BMP2K: variants seen among roughly 807,000 people sequenced by gnomAD.
BMP2K encodes the protein BMP2 inducible kinase, also known as BMP-2-inducible protein kinase.
In BMP2K, 74 loss-of-function variants were observed where a neutral mutation model predicts 116.0. The ratio of observed to expected loss-of-function variants is 0.64; its 90% CI spans 0.53 to 0.77. The LOEUF is 0.77. Among genes scored for constraint, BMP2K ranks in the 30% least tolerant of loss-of-function variants. The pLI is 0.00. For missense variants in BMP2K, 1,365 were observed against 1,403.6 expected, an observed-to-expected ratio of 0.97 and a Z score of 0.44; for synonymous variants, 486 against 502.5, an observed-to-expected ratio of 0.97 and a Z score of 0.44.
At chr4:78,811,858 ACTCT>A (rs1225253566) in intron 1 of BMP2K, among the ~76,000 whole-genome samples, 1 of 151,816 alleles carries the variant, frequency 6.6e-6, no homozygotes, top group East Asian at 1.9e-4. Flanking sequence ...TCCATCAAAA[ACTCT>A]CTCTCTTCAT....
intron 1 of BMP2K, among the ~76,000 whole-genome samples, chr4:78,816,402 T>C (rs145198105): frequency 0.012 from 1,850 of 152,316 alleles, 15 homozygotes; most frequent in Non-Finnish European, 0.019. Context: ...CATACATTGA[T>C]GATCCTTGGT....
At chr4:78,883,047 C>T (rs1015201964) in intron 14 of BMP2K, among the ~76,000 whole-genome samples, 10 of 152,082 alleles carry the variant, frequency 6.6e-5, no homozygotes, top group East Asian at 1.9e-4. Context: ...ATTTTAATTT[C>T]GTGATAATAT....
Position 78,872,921 on chromosome 4 carries a change from C to G in BMP2K, c.1793+123C>G. The G allele has an allele frequency of 3.0e-6, 3 of 998,644 alleles. No homozygotes were observed. The African/African-American group carries it at 4.9e-5, about 16-fold the overall frequency. 61.9% of individuals were successfully genotyped at this position (998,644 alleles called of 1,614,324 possible). A position where few individuals can be genotyped will look rare whatever the true frequency, so the allele number is the denominator to read the frequency against. On this transcript the variant is annotated intron_variant, in intron 13 of 15. Coordinates refer to ENST00000502613, the MANE Select transcript of BMP2K (RefSeq NM_198892.2). The stretch of plus-strand genomic sequence containing the variant: ...TTATCTTTCTGTAGAGCCACCCATT[C>G]TCTCTTCCTAGTCCTGTCTTCTGGT...
At chr4:78,794,217 G>A (rs1728144768) in intron 1 of BMP2K, among the ~76,000 whole-genome samples, 1 of 149,526 alleles carries the variant, frequency 6.7e-6, no homozygotes, top group Admixed American at 6.8e-5. Flanking sequence ...TTGGTAGGCT[G>A]AGTGAAATCT....
rs374462477 is a variant in BMP2K at position 78,910,672 on chromosome 4, A to G, written c.2125A>G (p.Ile709Val). The G allele has an allele frequency of 1.7e-5, 28 of 1,604,158 alleles. No homozygotes were observed. The highest frequency in any genetic ancestry group is 3.4e-5 in the Admixed American group (2 of 58,004). Residue 709 changes from isoleucine (I) to valine (V), a missense_variant, in exon 16 of 16, where the codon ATC becomes GTC. Physicochemically the swap from Ile to Val is conservative, Grantham distance 29. Around this residue, in one of 3 missense-constraint regions of BMP2K, gnomAD observed 596 missense variants for 623.2 expected, o/e 0.96. Coordinates refer to ENST00000502613, the MANE Select transcript of BMP2K (RefSeq NM_198892.2). Reference sequence around the variant, plus strand: ...TCAAGAAAATGGCACTGCAAACCCTATCAAGAACGGTAAAACAAGTCCAGC... The same window carrying G: ...TCAAGAAAATGGCACTGCAAACCCTGTCAAGAACGGTAAAACAAGTCCAGC... Reference protein sequence around the residue: ...INQENGTANPIKNGKTSPASK... With the variant: ...INQENGTANPVKNGKTSPASK...
intron 1 of BMP2K, among the ~76,000 whole-genome samples, chr4:78,810,407 C>T (rs1315709609): frequency 1.3e-5 from 2 of 152,182 alleles, no homozygotes; most frequent in East Asian, 3.8e-4. Context: ...CTCATTCCTA[C>T]TTCGACTTAA....
intron 15 of BMP2K, among the ~76,000 whole-genome samples, chr4:78,905,758 A>G (rs1734251905): frequency 6.6e-6 from 1 of 152,032 alleles, no homozygotes; most frequent in Admixed American, 6.6e-5. Context: ...GTATTATTTA[A>G]TCTAACAACT....
At chr4:78,776,813 C>T (rs901819217) in intron 1 of BMP2K, 92 bp downstream of exon 1, 170 of 1,106,410 alleles carry the variant, frequency 1.5e-4, no homozygotes, top group Admixed American at 5.5e-4. Context: ...CGGACTGACT[C>T]TTATACCCCA....
At chr4:78,884,242 G>A (rs577679086) in intron 14 of BMP2K, among the ~76,000 whole-genome samples, 11 of 152,144 alleles carry the variant, frequency 7.2e-5, no homozygotes, top group Non-Finnish European at 1.0e-4. Context: ...TTGGAGGATC[G>A]CTTGAACCTG....
intron 1 of BMP2K, among the ~76,000 whole-genome samples, chr4:78,793,255 C>G (rs942449007): frequency 4.0e-5 from 6 of 151,580 alleles, no homozygotes; most frequent in South Asian, 2.1e-4. Flanking sequence ...ACTAAAAATA[C>G]AAAAATTAGC....
At chr4:78,820,726 C>T (rs1729576080) in intron 1 of BMP2K, 1 of 152,388 alleles carries the variant, frequency 6.6e-6, no homozygotes, top group Non-Finnish European at 1.5e-5. Flanking sequence ...CATGTGCCAT[C>T]ACACCCAGTT....
chr4:78,885,933 T>C (rs1229327779), intron 14 of BMP2K, among the ~76,000 whole-genome samples: 1 of 152,216 alleles, frequency 6.6e-6, no homozygotes, highest in East Asian at 1.9e-4. Context: ...TGCCTCACTG[T>C]AGCCTCAATT....
At chr4:78,816,560 T>C (rs1389506585) in intron 1 of BMP2K, among the ~76,000 whole-genome samples, 1 of 152,210 alleles carries the variant, frequency 6.6e-6, no homozygotes, top group Non-Finnish European at 1.5e-5. Flanking sequence ...AAACATTTAA[T>C]GGTATCTACT....
Position 78,904,132 on chromosome 4 carries a change from T to C in BMP2K, c.2063-6478T>C, listed in dbSNP as rs532371603. ...ATAAGAGAAAGCCAAGGACTGAGTT[T>C]TGAGTGTTAACAATGCATGTCTTTG... is the stretch of plus-strand genomic sequence containing the variant. On this transcript the variant is annotated intron_variant, in intron 15 of 15. Coordinates refer to ENST00000502613, the MANE Select transcript of BMP2K (RefSeq NM_198892.2). 7.2e-5 allele frequency among the ~76,000 whole-genome samples: 11 copies of C among 152,060 alleles called. No individual in the cohort carries two copies. The South Asian group carries it at 1.0e-3, about 14-fold the overall frequency.
intron 1 of BMP2K, among the ~76,000 whole-genome samples, chr4:78,809,503 G>T (rs560333136): frequency 6.6e-6 from 1 of 151,988 alleles, no homozygotes; most frequent in African/African-American, 2.4e-5. Flanking sequence ...TCTGCCTCCT[G>T]AGTAGCTGGG....
chr4:78,829,409 T>G (rs1012602341), intron 2 of BMP2K, among the ~76,000 whole-genome samples: 10 of 151,910 alleles, frequency 6.6e-5, no homozygotes, highest in South Asian at 2.1e-4. Context: ...TTTGTTTTTT[T>G]TTTTTTTTCT....
intron 1 of BMP2K, among the ~76,000 whole-genome samples, 158 bp downstream of exon 1, chr4:78,776,879 C>T (rs973515056): frequency 1.3e-5 from 2 of 152,176 alleles, no homozygotes; most frequent in South Asian, 2.1e-4. Context: ...CGGGCTTTCT[C>T]TCTTAAGCTG....
chr4:78,910,950 C>T lies in BMP2K; in HGVS notation c.2403C>T (p.Ser801=). ...SEDEEEEEKH[S]SDSDYEQAKA... ...ATGAGGAAGAAGAGGAGAAACATAG[C>T]TCTGATTCTGATTATGAGCAGGCTA... Residue 801 remains serine, a synonymous_variant, in exon 16 of 16, where the codon AGC becomes AGT. Transcript: ENST00000502613. The T allele has an allele frequency of 6.2e-7, 1 of 1,613,694 alleles. No individual in the cohort carries two copies. The highest frequency in any genetic ancestry group is 8.5e-7 in the Non-Finnish European group (1 of 1,179,776).
chr4:78,873,959 C>T (rs1732510378), intron 13 of BMP2K, among the ~76,000 whole-genome samples: 1 of 152,058 alleles, frequency 6.6e-6, no homozygotes, highest in Admixed American at 6.6e-5. Context: ...GCAGGCGGAT[C>T]ACGAGGTCAG....
Sources: allele counts gnomAD v4.1 joint callset (sites outside exome capture counted in the v4.1 genomes callset), GRCh38; gene constraint gnomAD v4.1.1; regional missense constraint gnomAD v4.1.1; transcripts MANE v1.5; gene names NCBI Gene and HGNC (gene_info 2026-07-23, HGNC 2026-07-21).